The following DENND2C variants were observed in gnomAD, a reference collection of about 807,000 sequenced individuals.
The protein encoded by DENND2C is DENN domain containing 2C.
DENND2C carries 72 observed loss-of-function variants against 112.4 expected under a neutral mutation model. That is an observed-to-expected ratio of 0.64 (90% CI 0.53 to 0.78). The LOEUF is 0.78. Among genes scored for constraint, DENND2C ranks in the 30% least tolerant of loss-of-function variants. The pLI, the probability that DENND2C is intolerant of heterozygous loss-of-function variation, is 0.00. For missense variants in DENND2C, 992 were observed against 1,113.8 expected (o/e 0.89, Z 1.56); for synonymous variants, 329 against 381.6 (o/e 0.86, Z 1.61).
Position 114,626,029 on chromosome 1 carries a change from C to T in DENND2C, c.-45G>A, listed in dbSNP as rs1407018962. The T allele has an allele frequency of 2.0e-6, 3 of 1,504,186 alleles. No homozygotes were observed. The highest frequency in any genetic ancestry group is 2.0e-5 in the Admixed American group (1 of 49,232). 93.2% of individuals were successfully genotyped at this position (1,504,186 alleles called of 1,614,324 possible). ...ACAAGTGATGAATCTTACAAAGGTT[C>T]CATTACAAGTAAATGTGAAATATTG... is the stretch of plus-strand genomic sequence containing the variant. On this transcript the variant is annotated 5_prime_UTR_variant, in exon 4 of 21. Coordinates refer to ENST00000393274, the MANE Select transcript of DENND2C (RefSeq NM_001256404.2).
intron 3 of DENND2C, among the ~76,000 whole-genome samples, chr1:114,638,257 A>G (rs1430132872): frequency 6.6e-6 from 1 of 152,020 alleles, no homozygotes; most frequent in Non-Finnish European, 1.5e-5. Context: ...CTTTACCCAT[A>G]ACATTTACAA....
chr1:114,658,548 G>A (rs1193841173), intron 1 of DENND2C, among the ~76,000 whole-genome samples: 2 of 151,984 alleles, frequency 1.3e-5, no homozygotes, highest in African/African-American at 2.4e-5. Context: ...AAAGTATGAA[G>A]ACAACATTTA....
chr1:114,669,615 A>T (rs1657734128), intron 1 of DENND2C, among the ~76,000 whole-genome samples: 1 of 152,120 alleles, frequency 6.6e-6, no homozygotes, highest in Non-Finnish European at 1.5e-5. Context: ...TTTTGGAGAA[A>T]GCCCGCGTTT....
At chr1:114,612,457 T>TC (rs1655848549) in intron 8 of DENND2C, among the ~76,000 whole-genome samples, 1 of 150,242 alleles carries the variant, frequency 6.7e-6, no homozygotes, top group African/African-American at 2.5e-5. Context: ...ACTCAACTGA[T>TC]CCCCCCTACC....
chr1:114,598,750 C>A (rs775094622), intron 16 of DENND2C, among the ~76,000 whole-genome samples: 4 of 152,154 alleles, frequency 2.6e-5, no homozygotes, highest in Admixed American at 6.6e-5. Flanking sequence ...GGCATGATCT[C>A]GGCTCACTGC....
intron 4 of DENND2C, among the ~76,000 whole-genome samples, chr1:114,624,748 T>C (rs1656283011): frequency 6.6e-6 from 1 of 151,194 alleles, no homozygotes; most frequent in South Asian, 2.1e-4. Flanking sequence ...CAGCATCCCA[T>C]ATAGCTGGGA....
intron 17 of DENND2C, chr1:114,595,575 G>T: frequency 2.6e-6 from 1 of 380,090 alleles, no homozygotes. Flanking sequence ...ACCTGGAGTT[G>T]AAGGGTGGTT....
intron 2 of DENND2C, among the ~76,000 whole-genome samples, chr1:114,652,020 A>T (rs1185458982): frequency 6.6e-6 from 1 of 152,118 alleles, no homozygotes; most frequent in African/African-American, 2.4e-5. Context: ...GGGTTGTAAG[A>T]GTCAGGACAA....
At chr1:114,634,634 A>T (rs1656594990) in intron 3 of DENND2C, among the ~76,000 whole-genome samples, 1 of 152,244 alleles carries the variant, frequency 6.6e-6, no homozygotes, top group African/African-American at 2.4e-5. Flanking sequence ...GAAATCAGTA[A>T]CAAAAAGATA....
intron 18 of DENND2C, among the ~76,000 whole-genome samples, chr1:114,593,897 A>G (rs1655265297): frequency 6.6e-6 from 1 of 152,254 alleles, no homozygotes; most frequent in Admixed American, 6.5e-5. Context: ...TGCTTCATAA[A>G]GATAAAACAA....
In DENND2C at chr1:114,594,703, G is replaced by A. The variant is rs1285573651; in HGVS notation, c.2326-125C>T. On this transcript the variant is annotated intron_variant, in intron 17 of 20. Transcript: ENST00000393274. The stretch of plus-strand genomic sequence containing the variant: ...TGTATATATTTTGGCTAAAGAGTCA[G>A]TCTGAAGTCTCCTTCCCTACATGAA... 7 of 679,442 alleles carry A rather than the reference G, an allele frequency of 1.0e-5. No homozygotes were observed. In the East Asian group the frequency reaches 1.9e-4, roughly 19 times the overall value. The allele number at this position is 679,442 out of a possible 1,614,324, so 42.1% of individuals were successfully genotyped here.
At chr1:114,624,615 T>C (rs902294825) in intron 4 of DENND2C, among the ~76,000 whole-genome samples, 18 of 94,728 alleles carry the variant, frequency 1.9e-4, no homozygotes, top group Non-Finnish European at 3.4e-4. Context: ...AGATTAATTT[T>C]CTTTTTTTCT....
intron 3 of DENND2C, among the ~76,000 whole-genome samples, chr1:114,629,224 G>A (rs776933974): frequency 1.1e-4 from 16 of 152,106 alleles, no homozygotes; most frequent in Non-Finnish European, 2.2e-4. Flanking sequence ...AAACAACAGC[G>A]GTCATTCAGT....
Position 114,585,360 on chromosome 1 carries a change from G to A in DENND2C, c.*240C>T, listed in dbSNP as rs998689485. 2 of 443,378 alleles carry A rather than the reference G, an allele frequency of 4.5e-6. No individual in the cohort carries two copies. Among genetic ancestry groups the A allele is most frequent in the East Asian group, 3.3e-5 (1 of 30,560 alleles). The allele number at this position is 443,378 out of a possible 1,614,324, so 27.5% of individuals were successfully genotyped here. A position where few individuals can be genotyped will look rare whatever the true frequency, so the allele number is the denominator to read the frequency against. Reference sequence around the variant, plus strand: ...TGAGCCCAAGAATCACATAGAAAAGGCTGCTATAAAAAAAAAATGGAGACA... The same window carrying A: ...TGAGCCCAAGAATCACATAGAAAAGACTGCTATAAAAAAAAAATGGAGACA... On this transcript the variant is annotated 3_prime_UTR_variant, in exon 21 of 21. Coordinates refer to ENST00000393274, the MANE Select transcript of DENND2C (RefSeq NM_001256404.2).
chr1:114,599,275 T>C lies in DENND2C; in HGVS notation c.2282A>G (p.Glu761Gly), dbSNP rs1655427789. ...TTAGGTTCCATTCTTCTATCTCACC[T>C]CTTCAATGGGTAGGTCCTGGAGCTG... ...LPQLQDLPIE[E>G]VLIVDLCADK... The change falls in exon 16 of 21, where the codon GAG (glutamate) becomes GGG (glycine). Residue 761 changes from glutamate to glycine, a missense_variant and splice_region_variant. Around this residue, in one of 3 missense-constraint regions of DENND2C, gnomAD observed 516 missense variants for 623.6 expected, o/e 0.83. Coordinates refer to ENST00000393274, the MANE Select transcript of DENND2C (RefSeq NM_001256404.2). 2 of 1,603,654 alleles carry C rather than the reference T, an allele frequency of 1.2e-6. No individual in the cohort carries two copies. The highest frequency in any genetic ancestry group is 1.1e-5 in the South Asian group (1 of 89,100).
Position 114,587,820 on chromosome 1 carries a change from G to A in DENND2C, c.2564C>T (p.Ser855Phe). The A allele has an allele frequency of 6.2e-7, 1 of 1,614,100 alleles. No individual in the cohort carries two copies. The highest frequency in any genetic ancestry group is 8.5e-7 in the Non-Finnish European group (1 of 1,180,018). ...GTGGCGTACACTTCGGGAGGTGTGG[G>A]ACTTACGGAATGGTTCCCTTTGGAA... ...RVFQREPFRKSHTSRSVRHFL... is the reference protein window; with the variant it reads ...RVFQREPFRKFHTSRSVRHFL... The change falls in exon 19 of 21, where the codon TCC becomes TTC. Residue 855 changes from serine to phenylalanine, a missense_variant. By Grantham distance (155) the Ser-to-Phe change is radical. This residue lies in a region of DENND2C where 516 missense variants were observed against 623.6 expected (regional missense o/e 0.83). Transcript: ENST00000393274.
intron 2 of DENND2C, among the ~76,000 whole-genome samples, chr1:114,648,404 G>C (rs1407306578): frequency 6.6e-6 from 1 of 152,206 alleles, no homozygotes; most frequent in Non-Finnish European, 1.5e-5. Context: ...AACAATAGGA[G>C]TCGAATACCC....
chr1:114,649,615 C>G (rs1657100649), intron 2 of DENND2C, among the ~76,000 whole-genome samples: 1 of 151,948 alleles, frequency 6.6e-6, no homozygotes, highest in Non-Finnish European at 1.5e-5. Flanking sequence ...TGGGCTCAAT[C>G]CTCCTGCCTC....
chr1:114,654,814 C>T (rs1215110908), intron 1 of DENND2C, 53 bp from the exon 2 acceptor site: 1 of 151,866 alleles, frequency 6.6e-6, no homozygotes, highest in Non-Finnish European at 1.5e-5. Flanking sequence ...GTCATCAGGT[C>T]CCCAGGTGCC....
Sources: gnomAD v4.1 joint callset for allele counts (sites outside exome capture counted in the v4.1 genomes callset) on GRCh38, gnomAD v4.1.1 for gene constraint, gnomAD v4.1.1 regional missense constraint, MANE v1.5 for transcripts, NCBI Gene and HGNC (gene_info 2026-07-23, HGNC 2026-07-21) for gene names.